Variants in ZNF627 observed in about 807,000 individuals in gnomAD.
The protein encoded by ZNF627 is zinc finger protein 627.
ZNF627 carries 12 observed loss-of-function variants against 10.6 expected under a neutral mutation model. The observed-to-expected ratio is 1.13, with a 90% confidence interval of 0.73 to 1.84. The LOEUF (loss-of-function observed/expected upper bound fraction) is 1.84, where lower values mean the gene tolerates loss of function less well. ZNF627 is among the 40% of genes most tolerant of loss of function. The pLI is 0.00. For synonymous variants in ZNF627, 176 were observed against 187.1 expected, an observed-to-expected ratio of 0.94 and a Z score of 0.48; for missense variants, 504 against 568.4, an observed-to-expected ratio of 0.89 and a Z score of 1.15.
At position 11,619,129 on chromosome 19, in the gene ZNF627, CA is replaced by C. The variant is rs1973928473; in HGVS notation, c.*1243del. ...TAAACTGTAATAATAATCATGACCACAAACCATAAAGGACTGTGTGATGTAT... is the reference window on the plus strand; with the variant it reads ...TAAACTGTAATAATAATCATGACCACAACCATAAAGGACTGTGTGATGTAT... On this transcript the variant is annotated 3_prime_UTR_variant, in exon 4 of 4. Transcript: ENST00000361113. 6.6e-6 allele frequency: 1 copy of C among 151,968 alleles called. No homozygotes were observed. 9.4% of individuals were successfully genotyped at this position (151,968 alleles called of 1,614,324 possible). A position where few individuals can be genotyped will look rare whatever the true frequency, so the allele number is the denominator to read the frequency against.
intron 1 of ZNF627, among the ~76,000 whole-genome samples, chr19:11,601,663 G>A (rs1822892940): frequency 6.6e-6 from 1 of 152,006 alleles, no homozygotes; most frequent in South Asian, 2.1e-4. Context: ...AGACAGGAAT[G>A]ACTATTCTAA....
intron 1 of ZNF627, among the ~76,000 whole-genome samples, chr19:11,611,872 A>G (rs989713297): frequency 3.9e-5 from 6 of 152,020 alleles, no homozygotes; most frequent in Non-Finnish European, 8.8e-5. Context: ...TTGGGGAAAA[A>G]CTGGGTATGT....
intron 1 of ZNF627, among the ~76,000 whole-genome samples, chr19:11,609,521 AT>A (rs375373924): frequency 0.016 from 1,653 of 103,502 alleles, 110 homozygotes; most frequent in East Asian, 0.16. Context: ...ATATATATGT[AT>A]TTTTTCCCCC....
At chr19:11,616,569 G>T (rs4411616) in intron 3 of ZNF627, 126 bp from the exon 4 acceptor site, 2 of 672,162 alleles carry the variant, frequency 3.0e-6, no homozygotes, top group Admixed American at 3.4e-5. Context: ...GTTCACGCCT[G>T]GGCAACATAG....
intron 1 of ZNF627, among the ~76,000 whole-genome samples, chr19:11,613,261 T>G (rs1973810398): frequency 7.6e-6 from 1 of 131,284 alleles, no homozygotes; most frequent in Middle Eastern, 3.6e-3. Context: ...CCTCTGGTCT[T>G]TGGCCTCCCA....
At chr19:11,597,785 G>A (rs1224941259) in intron 1 of ZNF627, among the ~76,000 whole-genome samples, 155 bp downstream of exon 1, 9 of 152,222 alleles carry the variant, frequency 5.9e-5, no homozygotes, top group African/African-American at 2.2e-4. Flanking sequence ...GCCAGGAGCT[G>A]GGACCCCGGT....
At chr19:11,606,247 G>T (rs1409678696) in intron 1 of ZNF627, among the ~76,000 whole-genome samples, 2 of 151,912 alleles carry the variant, frequency 1.3e-5, no homozygotes, top group East Asian at 1.9e-4. Context: ...TGAGGCAGGA[G>T]AATTGCTTGA....
intron 3 of ZNF627, among the ~76,000 whole-genome samples, 183 bp downstream of exon 3, chr19:11,615,070 C>T (rs1457609585): frequency 6.6e-6 from 1 of 151,394 alleles, no homozygotes; most frequent in Non-Finnish European, 1.5e-5. Context: ...CCTCAGCCTC[C>T]TGAGTAGCTA....
intron 1 of ZNF627, among the ~76,000 whole-genome samples, chr19:11,612,945 G>A (rs890971177): frequency 6.6e-6 from 1 of 150,782 alleles, no homozygotes; most frequent in African/African-American, 2.4e-5. Context: ...AGTAGGCCGC[G>A]GTGTCTGTTG....
At chr19:11,614,484 G>A (rs771242473) in intron 1 of ZNF627, 43 bp from the exon 2 acceptor site, 10 of 1,612,482 alleles carry the variant, frequency 6.2e-6, no homozygotes. Flanking sequence ...CCCCAGTGCT[G>A]TCTGTCTCAA....
At chr19:11,605,679 T>G (rs11672307) in intron 1 of ZNF627, among the ~76,000 whole-genome samples, 62,956 of 151,836 alleles carry the variant, frequency 0.41, 13,332 homozygotes, top group Non-Finnish European at 0.47. Flanking sequence ...CCCATGACAT[T>G]CAGGGATTAT....
chr19:11,597,662 T>G (rs1267476262), intron 1 of ZNF627, 32 bp downstream of exon 1: 4 of 1,337,486 alleles, frequency 3.0e-6, no homozygotes, highest in South Asian at 2.6e-5. Flanking sequence ...TCCCCAGACC[T>G]GGGGGAGGGG....
intron 1 of ZNF627, among the ~76,000 whole-genome samples, chr19:11,607,706 C>T (rs1973698779): frequency 6.6e-6 from 1 of 152,178 alleles, no homozygotes; most frequent in Admixed American, 6.6e-5. Flanking sequence ...TTGTCCATAT[C>T]ACTACCAGCA....
At chr19:11,607,828 C>G (rs1394593754) in intron 1 of ZNF627, among the ~76,000 whole-genome samples, 5 of 152,172 alleles carry the variant, frequency 3.3e-5, no homozygotes, top group Non-Finnish European at 7.3e-5. Flanking sequence ...CCACATTCTC[C>G]TGTCTTCTTC....
chr19:11,598,389 A>G (rs534465215), intron 1 of ZNF627, among the ~76,000 whole-genome samples: 181 of 152,296 alleles, frequency 1.2e-3, no homozygotes, highest in African/African-American at 3.5e-3. Context: ...TTAAATGAAC[A>G]TATTCAGACT....
chr19:11,600,715 G>A (rs1404525014), intron 1 of ZNF627, among the ~76,000 whole-genome samples: 1 of 152,186 alleles, frequency 6.6e-6, no homozygotes, highest in Non-Finnish European at 1.5e-5. Context: ...GCAAACTTGT[G>A]ACAGTGGATA....
In ZNF627 at chr19:11,617,797, A is replaced by G. The variant is rs1162833165; in HGVS notation, c.1294A>G (p.Thr432Ala). 3 of 1,612,036 alleles carry G rather than the reference A, an allele frequency of 1.9e-6. No homozygotes were observed. The Admixed American group carries it at 5.0e-5, about 27-fold the overall frequency. The change falls in exon 4 of 4, where the codon ACT becomes GCT. Residue 432 changes from threonine to alanine, a missense_variant. By Grantham distance (58) the Thr-to-Ala change is moderately conservative. Coordinates refer to ENST00000361113, the MANE Select transcript of ZNF627 (RefSeq NM_145295.4). Reference sequence around the variant, plus strand: ...ATGTGGGAAAGCCTTCAGTCGATCCACTTACTTTCGAGTACATGAAAAAAT... The same window carrying G: ...ATGTGGGAAAGCCTTCAGTCGATCCGCTTACTTTCGAGTACATGAAAAAAT... ...KQCGKAFSRSTYFRVHEKIHT... is the reference protein window; with the variant it reads ...KQCGKAFSRSAYFRVHEKIHT...
intron 1 of ZNF627, among the ~76,000 whole-genome samples, chr19:11,608,383 C>T (rs532375785): frequency 6.6e-6 from 1 of 152,254 alleles, no homozygotes; most frequent in South Asian, 2.1e-4. Context: ...CTTCCCCTCT[C>T]CAGTTGACAT....
Position 11,617,351 on chromosome 19 carries a change from A to C in ZNF627, c.848A>C (p.Gln283Pro). 2 of 1,614,074 alleles carry C rather than the reference A, an allele frequency of 1.2e-6. No individual in the cohort carries two copies. Among genetic ancestry groups the C allele is most frequent in the Non-Finnish European group, 1.7e-6 (2 of 1,180,018 alleles). The stretch of plus-strand genomic sequence containing the variant: ...GGAGAGAAACCCTACGAATGTAAAC[A>C]GTGCGGTAAAGCCTTTAGGTGCGCC... ...HTGEKPYECK[Q>P]CGKAFRCASS... is the part of the protein sequence containing the mutation. The change falls in exon 4 of 4, where the codon CAG (glutamine) becomes CCG (proline). Residue 283 changes from glutamine (Q) to proline (P), a missense_variant. Transcript: ENST00000361113.
Sources: gnomAD v4.1 joint callset for allele counts (sites outside exome capture counted in the v4.1 genomes callset) on GRCh38, gnomAD v4.1.1 for gene constraint, MANE v1.5 for transcripts, NCBI Gene and HGNC (gene_info 2026-07-23, HGNC 2026-07-21) for gene names.